KIAA1217: variants seen among roughly 807,000 people sequenced by gnomAD.
The protein encoded by KIAA1217 is KIAA1217, also known as sickle tail protein homolog.
In KIAA1217, 88 loss-of-function variants were observed where a neutral mutation model predicts 163.9. The ratio of observed to expected loss-of-function variants is 0.54; its 90% CI spans 0.45 to 0.64. KIAA1217 has a LOEUF of 0.64. KIAA1217 is among the 30% of genes least tolerant of loss of function. The pLI is 0.00. For synonymous variants in KIAA1217, 903 were observed against 923.1 expected (o/e 0.98, Z 0.39); for missense variants, 2,372 against 2,475.0 (o/e 0.96, Z 0.88).
chr10:24,181,606 A>G (rs948070546), intron 2 of KIAA1217, among the ~76,000 whole-genome samples: 1 of 152,208 alleles, frequency 6.6e-6, no homozygotes, highest in African/African-American at 2.4e-5. Flanking sequence ...CATTCAGATT[A>G]TTTCAGTTCT....
At chr10:24,394,123 C>T (rs182214379) in intron 3 of KIAA1217, among the ~76,000 whole-genome samples, 35 of 152,320 alleles carry the variant, frequency 2.3e-4, no homozygotes, top group Admixed American at 2.0e-3. Context: ...TCCATTTGCA[C>T]GGCTACTTTT....
chr10:24,015,659 G>A (rs1847445689), intron 2 of KIAA1217, among the ~76,000 whole-genome samples: 1 of 151,602 alleles, frequency 6.6e-6, no homozygotes, highest in African/African-American at 2.4e-5. Context: ...AGGAGGCTGA[G>A]CCAGGAGAAT....
chr10:24,332,409 C>A (rs893262252), intron 2 of KIAA1217, among the ~76,000 whole-genome samples: 1 of 152,142 alleles, frequency 6.6e-6, no homozygotes, highest in Non-Finnish European at 1.5e-5. Context: ...AATGACAAAT[C>A]TGAAGGCTTT....
chr10:23,948,184 C>T (rs761442766), intron 1 of KIAA1217, among the ~76,000 whole-genome samples: 1 of 152,150 alleles, frequency 6.6e-6, no homozygotes, highest in African/African-American at 2.4e-5. Flanking sequence ...CCAGCTCTCA[C>T]CAGCTGTGTG....
chr10:23,813,385 G>T (rs895325955), intron 1 of KIAA1217, among the ~76,000 whole-genome samples: 1 of 151,540 alleles, frequency 6.6e-6, no homozygotes, highest in African/African-American at 2.4e-5. Context: ...TTTGTTTTGT[G>T]TCACTATAGT....
At chr10:23,722,370 T>C (rs1837918160) in intron 1 of KIAA1217, among the ~76,000 whole-genome samples, 1 of 152,322 alleles carries the variant, frequency 6.6e-6, no homozygotes, top group South Asian at 2.1e-4. Flanking sequence ...GTGAGTTTTA[T>C]GTGTATTTAC....
chr10:23,789,980 T>C (rs1309710639), intron 1 of KIAA1217, among the ~76,000 whole-genome samples: 1 of 129,396 alleles, frequency 7.7e-6, no homozygotes. Flanking sequence ...TATACATATA[T>C]ACACATATAC....
chr10:24,183,868 A>G (rs911331966), intron 2 of KIAA1217, among the ~76,000 whole-genome samples: 1 of 152,202 alleles, frequency 6.6e-6, no homozygotes, highest in Non-Finnish European at 1.5e-5. Context: ...ATATATTAAG[A>G]CAACTGCCAG....
In KIAA1217 at chr10:24,544,309, T is replaced by C. The variant is rs751179271; in HGVS notation, c.5039T>C (p.Ile1680Thr). ...EQTIKQLENT[I>T]SEMSPKALVD... ...ACCATTAAACAGCTCGAAAATACAA[T>C]CAGTGAAATGAGTCCCAAAGCCCTA... Residue 1680 changes from isoleucine to threonine, a missense_variant, in exon 19 of 21, where the codon ATC becomes ACC. Ile to Thr is a moderately conservative substitution (Grantham distance 89). This residue lies in a region of KIAA1217 where 690 missense variants were observed against 677.5 expected (regional missense o/e 1.02). Transcript: ENST00000376454. 15 of 1,614,068 alleles carry C rather than the reference T, an allele frequency of 9.3e-6. No individual in the cohort carries two copies. The East Asian group carries it at 2.5e-4, about 26-fold the overall frequency.
At chr10:23,903,433 G>A (rs1414448286) in intron 1 of KIAA1217, among the ~76,000 whole-genome samples, 1 of 151,956 alleles carries the variant, frequency 6.6e-6, no homozygotes, top group Non-Finnish European at 1.5e-5. Flanking sequence ...CATTACACAG[G>A]AGCCTTCAGA....
chr10:24,341,979 G>T (rs1484718244), intron 2 of KIAA1217, among the ~76,000 whole-genome samples: 1 of 152,180 alleles, frequency 6.6e-6, no homozygotes, highest in Non-Finnish European at 1.5e-5. Context: ...ACAGATCTTG[G>T]ACAAATAATT....
rs566284052 is a variant in KIAA1217, at chr10:23,746,182, C to T, written c.-321+50948C>T. On this transcript the variant is annotated intron_variant, in intron 1 of 18. Coordinates refer to the KIAA1217 transcript ENST00000376462. ...TAATGAGTAAGTTCTTCTATTAGTT[C>T]CAGTGAGAACTGCCTGTTTAAAAGA... Among the ~76,000 whole-genome samples the T allele has an allele frequency of 9.9e-5, 15 of 152,230 alleles. No homozygotes were observed. In the South Asian group the frequency reaches 2.7e-3, roughly 27 times the overall value.
At chr10:24,415,601 C>T (rs1054483810) in intron 3 of KIAA1217, among the ~76,000 whole-genome samples, 1 of 152,060 alleles carries the variant, frequency 6.6e-6, no homozygotes, top group African/African-American at 2.4e-5. Flanking sequence ...CACCAAATGA[C>T]CTAGATCTGA....
At chr10:23,785,423 T>C (rs1444188090) in intron 1 of KIAA1217, among the ~76,000 whole-genome samples, 2 of 152,214 alleles carry the variant, frequency 1.3e-5, no homozygotes, top group African/African-American at 2.4e-5. Flanking sequence ...CATAGAGTTT[T>C]ATAATTAGGA....
chr10:23,820,187 TTC>T (rs1837555087), intron 1 of KIAA1217, among the ~76,000 whole-genome samples: 1 of 152,174 alleles, frequency 6.6e-6, no homozygotes, highest in African/African-American at 2.4e-5. Flanking sequence ...AAGCATAAAA[TTC>T]TGAGTAAATC....
rs1196482474 is a variant in KIAA1217, at chr10:24,112,422, G to T, written c.-171+105048G>T. Among the ~76,000 whole-genome samples, 3 of 152,040 alleles carry T rather than the reference G, an allele frequency of 2.0e-5. No individual in the cohort carries two copies. In the South Asian group the frequency reaches 6.2e-4, roughly 31 times the overall value. Reference sequence around the variant, plus strand: ...TTCCATAGGCTCAAGTATATAGCCTGGTGTCGTGGACTGAATAGTGTTCTG... The same window carrying T: ...TTCCATAGGCTCAAGTATATAGCCTTGTGTCGTGGACTGAATAGTGTTCTG... On this transcript the variant is annotated intron_variant, in intron 2 of 18. Transcript: ENST00000376462.
chr10:23,878,369 CTT>C (rs1313316716), intron 1 of KIAA1217, among the ~76,000 whole-genome samples: 3 of 151,816 alleles, frequency 2.0e-5, no homozygotes, highest in African/African-American at 7.3e-5. Flanking sequence ...TTATTTGTCT[CTT>C]GATTCATTTA....
At chr10:24,058,114 GCTAT>G (rs1473787710) in intron 2 of KIAA1217, among the ~76,000 whole-genome samples, 2 of 152,034 alleles carry the variant, frequency 1.3e-5, no homozygotes, top group Non-Finnish European at 1.5e-5. Flanking sequence ...TTTGCATGTG[GCTAT>G]CTAATTTTGC....
intron 1 of KIAA1217, among the ~76,000 whole-genome samples, chr10:23,966,460 G>A (rs1203481012): frequency 6.6e-6 from 1 of 152,166 alleles, no homozygotes; most frequent in Admixed American, 6.5e-5. Flanking sequence ...CCGCCAGTAT[G>A]ACACACGTGT....
Sources: allele counts gnomAD v4.1 joint callset (sites outside exome capture counted in the v4.1 genomes callset), GRCh38; gene constraint gnomAD v4.1.1; regional missense constraint gnomAD v4.1.1; transcripts MANE v1.5; gene names NCBI Gene and HGNC (gene_info 2026-07-23, HGNC 2026-07-21).